KCNN2: variants seen among roughly 807,000 people sequenced by gnomAD.
KCNN2 encodes potassium calcium-activated channel subfamily N member 2.
In KCNN2, 24 loss-of-function variants were observed where a neutral mutation model predicts 55.5. The observed-to-expected ratio is 0.43, with a 90% CI of 0.31 to 0.61. The LOEUF (loss-of-function observed/expected upper bound fraction) is 0.61, where lower values mean the gene tolerates loss of function less well. KCNN2 is among the 20% of genes least tolerant of loss of function. KCNN2 has a pLI of 0.08. For synonymous variants in KCNN2, 431 were observed against 336.1 expected (o/e 1.28, Z -3.09); for missense variants, 754 against 853.6 (o/e 0.88, Z 1.45).
chr5:114,359,952 A>G (rs553248685), upstream of KCNN2, among the ~76,000 whole-genome samples: 4 of 152,374 alleles, frequency 2.6e-5, no homozygotes, highest in African/African-American at 7.2e-5. Flanking sequence ...TTTATGCAGT[A>G]TCTACTCAGC....
chr5:114,104,496 G>C (rs1235248214), intron 1 of KCNN2, among the ~76,000 whole-genome samples: 1 of 151,940 alleles, frequency 6.6e-6, no homozygotes, highest in African/African-American at 2.4e-5. Context: ...TTCTTTTGGT[G>C]ATGTTAGGGT....
At chr5:114,396,618 G>A (rs1292914183) in intron 2 of KCNN2, among the ~76,000 whole-genome samples, 5 of 150,534 alleles carry the variant, frequency 3.3e-5, no homozygotes, top group Non-Finnish European at 7.4e-5. Flanking sequence ...GCGCGATCTC[G>A]ACTCACTGCA....
chr5:114,281,209 G>T (rs1561553312), intron 2 of KCNN2, among the ~76,000 whole-genome samples: 1 of 152,076 alleles, frequency 6.6e-6, no homozygotes, highest in Non-Finnish European at 1.5e-5. Context: ...GTGTGTTTCT[G>T]CCATTAAAAT....
At chr5:114,454,659 C>T (rs1760841853) in intron 3 of KCNN2, among the ~76,000 whole-genome samples, 1 of 152,138 alleles carries the variant, frequency 6.6e-6, no homozygotes, top group Admixed American at 6.5e-5. Flanking sequence ...TTTCTTCTGC[C>T]CTTGGCTGGG....
At chr5:114,093,835 G>C (rs1197581348) in intron 1 of KCNN2, among the ~76,000 whole-genome samples, 2 of 152,146 alleles carry the variant, frequency 1.3e-5, no homozygotes, top group Non-Finnish European at 2.9e-5. Flanking sequence ...GGGGATTATA[G>C]GGATTGTAAT....
chr5:114,193,909 C>T (rs1753499092), intron 1 of KCNN2, among the ~76,000 whole-genome samples: 1 of 151,898 alleles, frequency 6.6e-6, no homozygotes, highest in Admixed American at 6.6e-5. Context: ...TACAATTTAC[C>T]CATTTAATGT....
At chr5:114,325,004 A>G (rs1255358763) in intron 2 of KCNN2, among the ~76,000 whole-genome samples, 1 of 152,242 alleles carries the variant, frequency 6.6e-6, no homozygotes, top group Non-Finnish European at 1.5e-5. Context: ...TAGCTCAAAA[A>G]GAAATAAGGA....
chr5:114,296,037 A>T (rs556876637), intron 2 of KCNN2, among the ~76,000 whole-genome samples: 1 of 152,184 alleles, frequency 6.6e-6, no homozygotes, highest in Non-Finnish European at 1.5e-5. Context: ...AACAAAAATA[A>T]AGATGTGATT....
At chr5:114,277,345 G>A (rs1186716112) in intron 2 of KCNN2, among the ~76,000 whole-genome samples, 1 of 152,086 alleles carries the variant, frequency 6.6e-6, no homozygotes, top group African/African-American at 2.4e-5. Flanking sequence ...AATTATCTTT[G>A]TGGTGTTCTC....
At chr5:114,110,035 C>A (rs1751563769) in intron 1 of KCNN2, among the ~76,000 whole-genome samples, 1 of 152,070 alleles carries the variant, frequency 6.6e-6, no homozygotes, top group Non-Finnish European at 1.5e-5. Flanking sequence ...AAGCTTTTGT[C>A]TCTTGCCCTT....
chr5:114,161,593 G>A (rs1449002415), intron 1 of KCNN2, among the ~76,000 whole-genome samples: 1 of 152,192 alleles, frequency 6.6e-6, no homozygotes. Flanking sequence ...ATCCTGCAGA[G>A]TGTTTTCCAA....
chr5:114,436,788 A>G (rs1413034619), intron 3 of KCNN2, among the ~76,000 whole-genome samples: 1 of 152,236 alleles, frequency 6.6e-6, no homozygotes, highest in Non-Finnish European at 1.5e-5. Flanking sequence ...GCTTTGAAAC[A>G]GTGCTATCCA....
chr5:114,462,166 A>G (rs1188748442), intron 3 of KCNN2, among the ~76,000 whole-genome samples: 2 of 152,162 alleles, frequency 1.3e-5, no homozygotes, highest in South Asian at 2.1e-4. Context: ...TTGTATGCAT[A>G]CATGCTGTTG....
chr5:114,315,824 G>A (rs1370888145), intron 2 of KCNN2, among the ~76,000 whole-genome samples: 1 of 152,100 alleles, frequency 6.6e-6, no homozygotes, highest in Non-Finnish European at 1.5e-5. Context: ...AGTTCTCTGG[G>A]TCCTTGATAG....
At chr5:114,203,915 A>G (rs1053561654) in intron 1 of KCNN2, among the ~76,000 whole-genome samples, 1 of 152,230 alleles carries the variant, frequency 6.6e-6, no homozygotes, top group African/African-American at 2.4e-5. Context: ...TGAAACATAA[A>G]TAGGACACAC....
chr5:114,450,206 C>T (rs1760612678), intron 3 of KCNN2, among the ~76,000 whole-genome samples: 1 of 152,230 alleles, frequency 6.6e-6, no homozygotes, highest in Non-Finnish European at 1.5e-5. Context: ...TGTCAACATG[C>T]TTTCTCTGCT....
At chr5:114,103,524 C>T (rs1007992635) in intron 1 of KCNN2, among the ~76,000 whole-genome samples, 5 of 152,138 alleles carry the variant, frequency 3.3e-5, no homozygotes, top group African/African-American at 1.2e-4. Flanking sequence ...GGAATGCTTC[C>T]AGCTTTTGCT....
chr5:114,234,146 A>G (rs2112607466), intron 2 of KCNN2, among the ~76,000 whole-genome samples: 1 of 152,242 alleles, frequency 6.6e-6, no homozygotes. Context: ...TTTATTGAGG[A>G]TACCAAACTG....
At chr5:114,272,790 T>G (rs1755383248) in intron 2 of KCNN2, among the ~76,000 whole-genome samples, 1 of 152,158 alleles carries the variant, frequency 6.6e-6, no homozygotes, top group Admixed American at 6.6e-5. Flanking sequence ...AAAGTTGTAT[T>G]TAGTTTATTA....
Sources: gnomAD v4.1 joint callset for allele counts (sites outside exome capture counted in the v4.1 genomes callset) on GRCh38, gnomAD v4.1.1 for gene constraint, MANE v1.5 for transcripts, NCBI Gene and HGNC (gene_info 2026-07-23, HGNC 2026-07-21) for gene names.